MCOLN1: variants seen among roughly 807,000 people sequenced by gnomAD.
MCOLN1 encodes the protein mucolipin-1.
Under a neutral mutation model 70.3 loss-of-function variants are expected in MCOLN1, and 50 were observed. That is an observed-to-expected ratio of 0.71 (90% CI 0.57 to 0.90). MCOLN1 has a LOEUF of 0.90. MCOLN1 is among the 40% of genes least tolerant of loss of function. The pLI, the probability that MCOLN1 is intolerant of heterozygous loss-of-function variation, is 0.00. For missense variants in MCOLN1, 598 were observed against 803.5 expected (o/e 0.74, Z 3.09); for synonymous variants, 366 against 341.0 (o/e 1.07, Z -0.81).
chr19:7,529,529 G>GCC, intron 10 of MCOLN1, 61 bp from the exon 11 acceptor site: 2 of 1,481,644 alleles, frequency 1.3e-6, no homozygotes, highest in Non-Finnish European at 1.8e-6. Context: ...CCATCTGGGT[G>GCC]CCCACAGCTG....
In MCOLN1 at chr19:7,528,454, C is replaced by A. The variant is rs569984732; in HGVS notation, c.878-143C>A. 8.7e-6 allele frequency: 10 copies of A among 1,143,858 alleles called. No individual in the cohort carries two copies. In the East Asian group the frequency reaches 2.3e-4, roughly 26 times the overall value. The allele number at this position is 1,143,858 out of a possible 1,614,324, so 70.9% of individuals were successfully genotyped here. A position where few individuals can be genotyped will look rare whatever the true frequency, so the allele number is the denominator to read the frequency against. On this transcript the variant is annotated intron_variant, in intron 7 of 13. Coordinates refer to ENST00000264079, the MANE Select transcript of MCOLN1 (RefSeq NM_020533.3). This position sits in a 1 kb window ranked among gnomAD's most constrained non-coding sequence, Gnocchi z 4.2. ...GACCAGCACTGACCGGGGTTCTTGACTCACCCCAAGCAAGCCCTGAGCCCA... is the reference window on the plus strand; with the variant it reads ...GACCAGCACTGACCGGGGTTCTTGAATCACCCCAAGCAAGCCCTGAGCCCA...
chr19:7,529,410 G>A (rs990032063), intron 10 of MCOLN1, among the ~76,000 whole-genome samples, 180 bp from the exon 11 acceptor site: 7 of 152,150 alleles, frequency 4.6e-5, no homozygotes, highest in Non-Finnish European at 5.9e-5. Context: ...GAGTCTAGCC[G>A]TGCGTTGCCC....
At position 7,528,595 on chromosome 19, in the gene MCOLN1, A is replaced by G; in HGVS notation, c.878-2A>G. 3 of 1,614,116 alleles carry G rather than the reference A, an allele frequency of 1.9e-6. No individual in the cohort carries two copies. The highest frequency in any genetic ancestry group is 2.5e-6 in the Non-Finnish European group (3 of 1,180,024). Reference sequence around the variant, plus strand: ...GCCCTACCCGCTCTGCCCTCCCCGCAGGAGACAACAGCTTCCGGCTCCTGT... The same window carrying G: ...GCCCTACCCGCTCTGCCCTCCCCGCGGGAGACAACAGCTTCCGGCTCCTGT... On this transcript the variant is annotated splice_acceptor_variant, in intron 7 of 13. Transcript: ENST00000264079. LOFTEE classifies it high-confidence loss of function. This position sits in a 1 kb window ranked among gnomAD's most constrained non-coding sequence, Gnocchi z 4.2.
In MCOLN1 at chr19:7,524,783, G is replaced by A. The variant is rs1293579835; in HGVS notation, c.32-178G>A. Among the ~76,000 whole-genome samples the A allele has an allele frequency of 2.0e-5, 3 of 152,162 alleles. No individual in the cohort carries two copies. The highest frequency in any genetic ancestry group is 6.5e-5 in the Admixed American group (1 of 15,270). On this transcript the variant is annotated intron_variant, in intron 1 of 13. Transcript: ENST00000264079. The surrounding 1 kb of genome is among the most constrained non-coding windows in gnomAD (Gnocchi z 4.1). ...CAAACTCATAACCTCTGAGCAGGAC[G>A]GGTGCATAGATACCTACAATGTCAC...
At position 7,527,575 on chromosome 19, in the gene MCOLN1, C is replaced by A. The variant is rs2146023555; in HGVS notation, c.627C>A (p.Leu209=). 1 of 1,613,384 alleles carries A rather than the reference C, an allele frequency of 6.2e-7. No individual in the cohort carries two copies. The highest frequency in any genetic ancestry group is 1.1e-5 in the South Asian group (1 of 91,070). Residue 209 remains leucine, a synonymous_variant, in exon 5 of 14, where the codon CTC becomes CTA. Coordinates refer to ENST00000264079, the MANE Select transcript of MCOLN1 (RefSeq NM_020533.3). ...ERPPPPPSDD[L]TLLESSSSYK... ...CCCCTCCGCCCCCCAGCGACGATCT[C>A]ACCCTCTTGGAAAGCAGCTCCAGTT...
At chr19:7,533,474 G>A (rs753335919) in intron 12 of MCOLN1, 49 bp from the exon 13 acceptor site, 1 of 1,607,476 alleles carries the variant, frequency 6.2e-7, no homozygotes, top group Non-Finnish European at 8.5e-7. Flanking sequence ...CAAGGGCCTT[G>A]GAGGTTGGGA....
In MCOLN1 at chr19:7,525,272, G is replaced by A. The variant is rs772068271; in HGVS notation, c.237+106G>A. The A allele has an allele frequency of 2.3e-5, 24 of 1,032,424 alleles. No individual in the cohort carries two copies. Among genetic ancestry groups the A allele is most frequent in the Admixed American group, 9.6e-5 (5 of 52,076 alleles). The allele number at this position is 1,032,424 out of a possible 1,614,324, so 64.0% of individuals were successfully genotyped here. ...TTTGGAAGGCCGAGGCCGGTGGATC[G>A]CTTGAGGCTGGGAGTTCAAGACCAG... On this transcript the variant is annotated intron_variant, in intron 2 of 13. Transcript: ENST00000264079. This position sits in a 1 kb window ranked among gnomAD's most constrained non-coding sequence, Gnocchi z 4.2.
Position 7,533,817 on chromosome 19 carries a change from C to T in MCOLN1, c.*22C>T, listed in dbSNP as rs770355146. The stretch of plus-strand genomic sequence containing the variant: ...TTGATTCGACCTGACTGCCGTTGGA[C>T]CGTAGGCCCTGGACTGCAGAGACCC... On this transcript the variant is annotated 3_prime_UTR_variant, in exon 14 of 14. Coordinates refer to ENST00000264079, the MANE Select transcript of MCOLN1 (RefSeq NM_020533.3). The T allele has an allele frequency of 1.2e-5, 19 of 1,613,918 alleles. No individual in the cohort carries two copies. Among genetic ancestry groups the T allele is most frequent in the East Asian group, 4.5e-5 (2 of 44,894 alleles).
intron 11 of MCOLN1, 121 bp from the exon 12 acceptor site, chr19:7,530,165 G>A: frequency 7.4e-6 from 3 of 405,654 alleles, no homozygotes; most frequent in Non-Finnish European, 1.3e-5. Context: ...CCGGGACCCG[G>A]CCATTCATGT....
At position 7,526,680 on chromosome 19, in the gene MCOLN1, T is replaced by G. The variant is rs1175415717; in HGVS notation, c.405+74T>G. ...GGGCAGGTGCAGTTGGGCGGGCAGG[T>G]GCTGGTGGGCGGGCAGGTGCAGGTG... On this transcript the variant is annotated intron_variant, in intron 3 of 13. Transcript: ENST00000264079. This position sits in a 1 kb window ranked among gnomAD's most constrained non-coding sequence, Gnocchi z 4.6. 1 of 1,595,886 alleles carries G rather than the reference T, an allele frequency of 6.3e-7. No individual in the cohort carries two copies. The highest frequency in any genetic ancestry group is 1.4e-5 in the African/African-American group (1 of 73,428).
rs1206401144 is a variant in MCOLN1, at chr19:7,533,753, C to T, written c.1707-6C>T. ...GACGCCCCTCTTCCCTGCTTCCTTC[C>T]TCCAGGGACCCCTCGGAGGAGCATT... is the stretch of plus-strand genomic sequence containing the variant. On this transcript the variant is annotated splice_polypyrimidine_tract_variant and splice_region_variant and intron_variant, in intron 13 of 13. Transcript: ENST00000264079. The T allele has an allele frequency of 4.3e-6, 7 of 1,614,076 alleles. No homozygotes were observed. Among genetic ancestry groups the T allele is most frequent in the African/African-American group, 4.0e-5 (3 of 74,950 alleles).
chr19:7,530,247 A>G lies in MCOLN1; in HGVS notation c.1360-39A>G, dbSNP rs138618598. The G allele has an allele frequency of 2.4e-3, 3,825 of 1,569,928 alleles. 84 individuals carry two copies. In the African/African-American group the frequency reaches 0.046, roughly 19 times the overall value. On this transcript the variant is annotated intron_variant, in intron 11 of 13. Transcript: ENST00000264079. ...TGACCCCAGCCCCCGGTTCCTGGCC[A>G]TGCCTTGGCTCCCTCTGACCCCGCC...
rs781317208 is a variant in MCOLN1 at position 7,524,924 on chromosome 19, C to G, written c.32-37C>G. 1 of 1,572,844 alleles carries G rather than the reference C, an allele frequency of 6.4e-7. No individual in the cohort carries two copies. The highest frequency in any genetic ancestry group is 8.7e-7 in the Non-Finnish European group (1 of 1,144,470). ...GGAGAAAGGGGAAAAGGGGAGTTGC[C>G]CAGGCCTCACCCCAGTGCCCTCTCC... On this transcript the variant is annotated intron_variant, in intron 1 of 13. Coordinates refer to ENST00000264079, the MANE Select transcript of MCOLN1 (RefSeq NM_020533.3). The surrounding 1 kb of genome is among the most constrained non-coding windows in gnomAD (Gnocchi z 4.1).
intron 9 of MCOLN1, 52 bp from the exon 10 acceptor site, chr19:7,529,049 C>T: frequency 1.2e-6 from 2 of 1,613,020 alleles, no homozygotes; most frequent in Non-Finnish European, 1.7e-6. Flanking sequence ...CTCCCCCAGG[C>T]CCCCCAAAGG....
chr19:7,529,783 A>T lies in MCOLN1; in HGVS notation c.1359+71A>T, dbSNP rs1437001258. ...TCATTGACACTGTGACCCCCAGATG[A>T]CCCCTTGGTGACTGCTGGGAGTCTG... On this transcript the variant is annotated intron_variant, in intron 11 of 13. Transcript: ENST00000264079. 7 of 1,587,092 alleles carry T rather than the reference A, an allele frequency of 4.4e-6. 1 individual carries two copies. In the Middle Eastern group the frequency reaches 9.9e-4, roughly 225 times the overall value.
Position 7,526,277 on chromosome 19 carries a change from C to A in MCOLN1, c.238-162C>A. On this transcript the variant is annotated intron_variant, in intron 2 of 13. Transcript: ENST00000264079. This position sits in a 1 kb window ranked among gnomAD's most constrained non-coding sequence, Gnocchi z 4.6. ...TGAAATTAATCAAAGCAAAGAAATG[C>A]ACAAGTGAAATCCGTGTTTGTGGCC... 1 of 813,834 alleles carries A rather than the reference C, an allele frequency of 1.2e-6. No homozygotes were observed. The highest frequency in any genetic ancestry group is 1.9e-5 in the Admixed American group (1 of 53,234). 50.4% of individuals were successfully genotyped at this position (813,834 alleles called of 1,614,324 possible).
intron 12 of MCOLN1, 115 bp downstream of exon 12, chr19:7,530,616 A>T: frequency 9.6e-7 from 1 of 1,043,048 alleles, no homozygotes; most frequent in Non-Finnish European, 1.5e-6. Flanking sequence ...AGAATATGGG[A>T]GACTCTATGA....
At chr19:7,527,091 G>A (rs545857792) in intron 4 of MCOLN1, 165 bp downstream of exon 4, 34 of 855,534 alleles carry the variant, frequency 4.0e-5, no homozygotes, top group East Asian at 3.2e-4. Flanking sequence ...CCTGGGCCAC[G>A]TAGGAAGACC....
Position 7,527,972 on chromosome 19 carries a change from C to T in MCOLN1, c.777+12C>T, listed in dbSNP as rs772745103. The T allele has an allele frequency of 1.1e-5, 18 of 1,608,364 alleles. No homozygotes were observed. Among genetic ancestry groups the T allele is most frequent in the East Asian group, 2.2e-5 (1 of 44,866 alleles). ...CCTTCAGCGTCCTGGTGAGGCCCCC[C>T]GGGAACCCACAGGGCTCCTGAGTTC... On this transcript the variant is annotated intron_variant, in intron 6 of 13. Transcript: ENST00000264079.
Sources: allele counts gnomAD v4.1 joint callset (sites outside exome capture counted in the v4.1 genomes callset), GRCh38; gene constraint gnomAD v4.1.1; non-coding constraint Gnocchi (gnomAD v3.1); transcripts MANE v1.5; gene names NCBI Gene and HGNC (gene_info 2026-07-23, HGNC 2026-07-21).